Variants in SLC35F1 observed in about 807,000 individuals in gnomAD.
SLC35F1 encodes solute carrier family 35 member F1, also known as chromosome 6 open reading frame 169.
A neutral mutation model predicts 48.7 loss-of-function variants in SLC35F1; 14 were observed. The observed-to-expected ratio is 0.29, with a 90% CI of 0.19 to 0.45. SLC35F1 has a LOEUF of 0.45. Ranked by LOEUF, SLC35F1 falls within the 20% of genes least tolerant of loss-of-function variation. The probability of loss-of-function intolerance (pLI) is 1.00; values close to 1 mark genes in which losing one functional copy is unlikely to be tolerated. For synonymous variants in SLC35F1, 190 were observed against 202.2 expected (o/e 0.94, Z 0.51); for missense variants, 404 against 500.0 (o/e 0.81, Z 1.83).
At chr6:118,184,490 T>C (rs1358600288) in intron 2 of SLC35F1, among the ~76,000 whole-genome samples, 1 of 152,202 alleles carries the variant, frequency 6.6e-6, no homozygotes, top group Non-Finnish European at 1.5e-5. Flanking sequence ...TAACTCCACT[T>C]TTCCTGCTTC....
intron 2 of SLC35F1, among the ~76,000 whole-genome samples, chr6:118,171,546 C>A (rs1379409281): frequency 6.6e-6 from 1 of 152,126 alleles, no homozygotes; most frequent in African/African-American, 2.4e-5. Context: ...AAAAATTCCC[C>A]TTCACAGTCC....
chr6:118,167,827 C>T (rs1050764101), intron 2 of SLC35F1, among the ~76,000 whole-genome samples: 1 of 152,080 alleles, frequency 6.6e-6, no homozygotes, highest in Non-Finnish European at 1.5e-5. Context: ...TTTCTCAGCT[C>T]CACTAACATT....
intron 1 of SLC35F1, among the ~76,000 whole-genome samples, chr6:117,985,552 G>A (rs915073444): frequency 6.6e-5 from 10 of 152,168 alleles, no homozygotes; most frequent in African/African-American, 2.4e-4. Context: ...ATCTCAAGAT[G>A]TTCATTAAAC....
At chr6:118,242,132 T>A (rs917351456) in intron 3 of SLC35F1, among the ~76,000 whole-genome samples, 3 of 152,214 alleles carry the variant, frequency 2.0e-5, no homozygotes, top group Non-Finnish European at 4.4e-5. Context: ...ATATTTACTT[T>A]TAGAAGCTGT....
intron 2 of SLC35F1, among the ~76,000 whole-genome samples, chr6:118,200,326 A>G (rs1774858924): frequency 1.3e-5 from 2 of 152,156 alleles, no homozygotes; most frequent in African/African-American, 4.8e-5. Context: ...AGTATGGACA[A>G]CTGGGGATTT....
chr6:118,238,558 T>A (rs1187678541), intron 3 of SLC35F1, among the ~76,000 whole-genome samples: 1 of 152,156 alleles, frequency 6.6e-6, no homozygotes, highest in East Asian at 1.9e-4. Context: ...GACTCATTTT[T>A]GTTTTTCGTT....
intron 3 of SLC35F1, among the ~76,000 whole-genome samples, chr6:118,256,987 C>T (rs372571619): frequency 3.0e-4 from 46 of 152,108 alleles, no homozygotes; most frequent in African/African-American, 1.0e-3. Context: ...ATGCCTAATA[C>T]TATGATATGT....
At chr6:118,287,798 G>A (rs987337284) in intron 7 of SLC35F1, among the ~76,000 whole-genome samples, 1 of 152,138 alleles carries the variant, frequency 6.6e-6, no homozygotes, top group Non-Finnish European at 1.5e-5. Context: ...AAATGAGAGG[G>A]CTGATACGCT....
At chr6:118,108,458 C>A (rs1030349244) in intron 1 of SLC35F1, among the ~76,000 whole-genome samples, 7 of 152,038 alleles carry the variant, frequency 4.6e-5, no homozygotes, top group Non-Finnish European at 8.8e-5. Flanking sequence ...GCCTGTATAT[C>A]CATAGTTTCC....
chr6:118,019,621 C>CA (rs1158011956), intron 1 of SLC35F1, among the ~76,000 whole-genome samples: 2,981 of 139,514 alleles, frequency 0.021, 98 homozygotes, highest in African/African-American at 0.07. Flanking sequence ...GACTTCGTCT[C>CA]AAAAAAAAAA....
intron 6 of SLC35F1, among the ~76,000 whole-genome samples, chr6:118,283,375 G>A (rs1467925074): frequency 1.3e-5 from 2 of 152,166 alleles, no homozygotes; most frequent in Non-Finnish European, 2.9e-5. Context: ...GCAACTCTAA[G>A]CTTCTTGTCT....
intron 2 of SLC35F1, among the ~76,000 whole-genome samples, chr6:118,156,732 G>A (rs1158871819): frequency 6.6e-6 from 1 of 151,572 alleles, no homozygotes; most frequent in Non-Finnish European, 1.5e-5. Flanking sequence ...AGTAAGGCAG[G>A]ACAACTTGAA....
chr6:118,221,971 T>A (rs559694688), intron 2 of SLC35F1, among the ~76,000 whole-genome samples: 18 of 19,470 alleles, frequency 9.2e-4, no homozygotes, highest in African/African-American at 2.4e-3. Context: ...ACAATTTTTT[T>A]ATAGTTTTTT....
At chr6:118,065,493 C>T (rs1772599162) in intron 1 of SLC35F1, among the ~76,000 whole-genome samples, 1 of 152,064 alleles carries the variant, frequency 6.6e-6, no homozygotes, top group South Asian at 2.1e-4. Context: ...CCCAATTACC[C>T]TGACTTGATC....
chr6:117,990,686 G>A (rs910280278), intron 1 of SLC35F1, among the ~76,000 whole-genome samples: 1 of 152,154 alleles, frequency 6.6e-6, no homozygotes, highest in Non-Finnish European at 1.5e-5. Context: ...GTATCAGAAG[G>A]TATGTAAAAG....
intron 1 of SLC35F1, among the ~76,000 whole-genome samples, chr6:118,112,773 C>T (rs977984695): frequency 2.6e-5 from 4 of 152,074 alleles, no homozygotes; most frequent in African/African-American, 7.2e-5. Context: ...ATGCTTAAAA[C>T]CGAAGAAGCC....
intron 1 of SLC35F1, among the ~76,000 whole-genome samples, chr6:118,018,823 T>A (rs73768146): frequency 0.019 from 2,909 of 152,246 alleles, 98 homozygotes; most frequent in African/African-American, 0.066. Flanking sequence ...ACAATGTACA[T>A]CCTGACATCC....
In SLC35F1 at chr6:118,037,161, C is replaced by T. The variant is rs925474276; in HGVS notation, c.174-117284C>T. On this transcript the variant is annotated intron_variant, in intron 1 of 7. Coordinates refer to ENST00000360388, the MANE Select transcript of SLC35F1 (RefSeq NM_001029858.4). ...AAGTTTTGTATCTTATACCTTTTTC[C>T]ATCCATTTTATTTCAACATCTCTAT... 2.0e-5 allele frequency among the ~76,000 whole-genome samples: 3 copies of T among 151,912 alleles called. No homozygotes were observed. The South Asian group carries it at 6.2e-4, about 32-fold the overall frequency.
intron 2 of SLC35F1, among the ~76,000 whole-genome samples, chr6:118,170,551 TGCCTCA>T (rs1356171604): frequency 1.3e-5 from 2 of 152,188 alleles, no homozygotes; most frequent in Admixed American, 1.3e-4. Context: ...GCCTTTCTTC[TGCCTCA>T]GCCTCCCAAG....
Sources: gnomAD v4.1 joint callset for allele counts (sites outside exome capture counted in the v4.1 genomes callset) on GRCh38, gnomAD v4.1.1 for gene constraint, MANE v1.5 for transcripts, NCBI Gene and HGNC (gene_info 2026-07-23, HGNC 2026-07-21) for gene names.